Variants in VAV3 observed in about 807,000 individuals in gnomAD.
VAV3 encodes vav guanine nucleotide exchange factor 3.
Under a neutral mutation model 131.2 loss-of-function variants are expected in VAV3, and 94 were observed. That is an observed-to-expected ratio of 0.72 (90% CI 0.61 to 0.85). The LOEUF (loss-of-function observed/expected upper bound fraction) is 0.85, where lower values mean the gene tolerates loss of function less well. VAV3 is among the 40% of genes least tolerant of loss of function. The pLI, the probability that VAV3 is intolerant of heterozygous loss-of-function variation, is 0.00. For missense variants in VAV3, 939 were observed against 1,002.7 expected (o/e 0.94, Z 0.86); for synonymous variants, 349 against 342.0 (o/e 1.02, Z -0.22).
intron 19 of VAV3, among the ~76,000 whole-genome samples, chr1:107,679,694 G>T (rs1415463634): frequency 6.6e-6 from 1 of 152,144 alleles, no homozygotes; most frequent in Non-Finnish European, 1.5e-5. Context: ...AATTTAATTG[G>T]TAACTTTGAC....
intron 2 of VAV3, among the ~76,000 whole-genome samples, chr1:107,813,312 G>A (rs576183483): frequency 8.5e-5 from 13 of 152,254 alleles, no homozygotes; most frequent in African/African-American, 3.1e-4. Context: ...AAAGAACAGA[G>A]ATGGCCTTCT....
intron 20 of VAV3, among the ~76,000 whole-genome samples, chr1:107,625,141 A>G (rs7413851): frequency 0.051 from 7,746 of 152,124 alleles, 611 homozygotes; most frequent in African/African-American, 0.17. Flanking sequence ...CTTTGCTTAT[A>G]TTATATAAGC....
At chr1:107,749,322 CAA>C in intron 14 of VAV3, 138 bp downstream of exon 14, 2 of 1,022,304 alleles carry the variant, frequency 2.0e-6, no homozygotes, top group African/African-American at 1.6e-5. Context: ...TTATTTCTCA[CAA>C]AGTTATGTAC....
chr1:107,778,915 A>G (rs976039894), intron 3 of VAV3, among the ~76,000 whole-genome samples: 2 of 152,152 alleles, frequency 1.3e-5, no homozygotes, highest in East Asian at 1.9e-4. Flanking sequence ...ATAATACTCT[A>G]TTGCAAGGAG....
intron 25 of VAV3, among the ~76,000 whole-genome samples, chr1:107,591,852 A>G (rs1650977237): frequency 6.6e-6 from 1 of 152,156 alleles, no homozygotes; most frequent in South Asian, 2.1e-4. Flanking sequence ...CGTTCCTGAA[A>G]AACAAAGGTA....
chr1:107,584,389 A>G lies in VAV3; in HGVS notation c.2351-10191T>C, dbSNP rs11185139. Among the ~76,000 whole-genome samples, 826 of 152,146 alleles carry G rather than the reference A, an allele frequency of 5.4e-3. 6 individuals carry two copies. The highest frequency in any genetic ancestry group is 0.019 in the African/African-American group (792 of 41,512). The stretch of plus-strand genomic sequence containing the variant: ...TAAAACACCAAAGCAATGGCAACAA[A>G]AGCCAAAATTGACAAATGGGACCTA... On this transcript the variant is annotated intron_variant, in intron 25 of 26. Transcript: ENST00000370056.
At chr1:107,593,966 T>G (rs149535735) in intron 25 of VAV3, among the ~76,000 whole-genome samples, 1 of 152,078 alleles carries the variant, frequency 6.6e-6, no homozygotes, top group South Asian at 2.1e-4. Flanking sequence ...GTGCTTTATA[T>G]AGAACACCTC....
In VAV3 at chr1:107,705,070, A is replaced by G; in HGVS notation, c.1503-9T>C. The stretch of plus-strand genomic sequence containing the variant: ...CTGGTCTTATGTTAGACCTAAAAAA[A>G]GGAAAAAAATAACTTTCTATAGAAA... On this transcript the variant is annotated splice_polypyrimidine_tract_variant and intron_variant, in intron 15 of 26. Transcript: ENST00000370056. 6.3e-7 allele frequency: 1 copy of G among 1,595,124 alleles called. No individual in the cohort carries two copies. The highest frequency in any genetic ancestry group is 1.3e-5 in the African/African-American group (1 of 74,640).
chr1:107,875,725 T>C (rs186726341), intron 1 of VAV3, among the ~76,000 whole-genome samples: 103 of 152,232 alleles, frequency 6.8e-4, no homozygotes, highest in African/African-American at 2.4e-3. Context: ...TTTAAAAAGG[T>C]CTTTTTGGCC....
In VAV3 at chr1:107,934,802, T is replaced by G. The variant is rs17020395; in HGVS notation, c.204+29864A>C. Among the ~76,000 whole-genome samples, 988 of 152,346 alleles carry G rather than the reference T, an allele frequency of 6.5e-3. 10 individuals carry two copies. Among genetic ancestry groups the G allele is most frequent in the African/African-American group, 0.022 (911 of 41,584 alleles). On this transcript the variant is annotated intron_variant, in intron 1 of 26. Coordinates refer to ENST00000370056, the MANE Select transcript of VAV3 (RefSeq NM_006113.5). The stretch of plus-strand genomic sequence containing the variant: ...CAGACTGAACACACACTCTGGGGAA[T>G]TTTGTGAATCACTGTGTTGTTATTA...
intron 15 of VAV3, among the ~76,000 whole-genome samples, chr1:107,730,489 C>G (rs143302215): frequency 6.6e-6 from 1 of 152,036 alleles, no homozygotes; most frequent in Admixed American, 6.6e-5. Context: ...AAAATCAAAC[C>G]GTTGCATTAA....
chr1:107,796,725 CAG>C (rs1234295464), intron 2 of VAV3, among the ~76,000 whole-genome samples: 1 of 150,158 alleles, frequency 6.7e-6, no homozygotes, highest in Non-Finnish European at 1.5e-5. Flanking sequence ...GGAATCATGA[CAG>C]AGTCAATAAG....
At chr1:107,711,228 C>A (rs1352573081) in intron 15 of VAV3, among the ~76,000 whole-genome samples, 3 of 152,142 alleles carry the variant, frequency 2.0e-5, no homozygotes, top group Non-Finnish European at 4.4e-5. Flanking sequence ...CTGAAGAGAT[C>A]TGTGTGTAAG....
chr1:107,598,993 T>C (rs1183863603), intron 24 of VAV3, among the ~76,000 whole-genome samples: 2 of 152,218 alleles, frequency 1.3e-5, no homozygotes, highest in Non-Finnish European at 2.9e-5. Context: ...ATATGAATTT[T>C]ATGATTTTTG....
intron 5 of VAV3, among the ~76,000 whole-genome samples, chr1:107,772,245 A>T (rs1010367082): frequency 6.6e-6 from 1 of 152,226 alleles, no homozygotes; most frequent in Non-Finnish European, 1.5e-5. Flanking sequence ...ATCTGAAACT[A>T]AATTTATAAA....
In VAV3 at chr1:107,786,566, T is replaced by C. The variant is rs142302441; in HGVS notation, c.322-7074A>G. Among the ~76,000 whole-genome samples the C allele has an allele frequency of 3.9e-3, 592 of 152,336 alleles. 7 individuals carry two copies. The highest frequency in any genetic ancestry group is 0.014 in the African/African-American group (574 of 41,570). On this transcript the variant is annotated intron_variant, in intron 2 of 26. Coordinates refer to ENST00000370056, the MANE Select transcript of VAV3 (RefSeq NM_006113.5). The stretch of plus-strand genomic sequence containing the variant: ...ATGCACATAGAAGAATGTCCTATAC[T>C]TCTGCTGCTATTTCTAACGTCATCA...
chr1:107,894,318 A>G (rs1211093003), intron 1 of VAV3, among the ~76,000 whole-genome samples: 1 of 152,224 alleles, frequency 6.6e-6, no homozygotes, highest in Non-Finnish European at 1.5e-5. Flanking sequence ...TTCACTACTC[A>G]AAGAAGAAAA....
chr1:107,744,969 G>A (rs1025435526), intron 15 of VAV3, among the ~76,000 whole-genome samples: 1 of 152,068 alleles, frequency 6.6e-6, no homozygotes, highest in Non-Finnish European at 1.5e-5. Context: ...GGTATGACAA[G>A]GTTTATTAAT....
At chr1:107,701,625 T>C (rs977150531) in intron 17 of VAV3, among the ~76,000 whole-genome samples, 3 of 152,234 alleles carry the variant, frequency 2.0e-5, no homozygotes, top group Admixed American at 6.5e-5. Context: ...GGGTTTTTCT[T>C]TTCTATCGCA....
Sources: allele counts gnomAD v4.1 joint callset (sites outside exome capture counted in the v4.1 genomes callset), GRCh38; gene constraint gnomAD v4.1.1; transcripts MANE v1.5; gene names NCBI Gene and HGNC (gene_info 2026-07-23, HGNC 2026-07-21).